Variants in RBPMS2 observed in about 807,000 individuals in gnomAD.
The protein encoded by RBPMS2 is RNA-binding protein with multiple splicing 2.
RBPMS2 carries 14 observed loss-of-function variants against 25.7 expected under a neutral mutation model. The ratio of observed to expected loss-of-function variants is 0.55; its 90% CI spans 0.36 to 0.85. RBPMS2 has a LOEUF of 0.85. Ranked by LOEUF, RBPMS2 falls within the 40% of genes least tolerant of loss-of-function variation. RBPMS2 has a pLI of 0.01. For missense variants in RBPMS2, 252 were observed against 283.4 expected (o/e 0.89, Z 0.80); for synonymous variants, 127 against 115.6 (o/e 1.10, Z -0.63).
At chr15:64,768,437 G>A (rs1005419064) in intron 1 of RBPMS2, among the ~76,000 whole-genome samples, 1 of 152,004 alleles carries the variant, frequency 6.6e-6, no homozygotes, top group Non-Finnish European at 1.5e-5. Context: ...TCAGGAGTTC[G>A]AGACCAGCCT....
intron 6 of RBPMS2, among the ~76,000 whole-genome samples, chr15:64,743,403 G>A (rs2141053420): frequency 6.6e-6 from 1 of 152,372 alleles, no homozygotes; most frequent in Non-Finnish European, 1.5e-5. Context: ...GTGGAGGAAA[G>A]CTCCCATATT....
chr15:64,749,182 T>C (rs1297260203), intron 4 of RBPMS2, 32 bp from the exon 5 acceptor site: 1 of 1,612,856 alleles, frequency 6.2e-7, no homozygotes, highest in Non-Finnish European at 8.5e-7. Flanking sequence ...GAGAAAGGCT[T>C]ACTCCGGGGG....
chr15:64,747,339 C>A (rs555838183), intron 6 of RBPMS2, among the ~76,000 whole-genome samples: 117 of 152,278 alleles, frequency 7.7e-4, no homozygotes, highest in Non-Finnish European at 1.3e-4. Flanking sequence ...GAGCACCCGA[C>A]TCCTCCCGCC....
intron 6 of RBPMS2, among the ~76,000 whole-genome samples, chr15:64,745,391 A>C (rs2083609211): frequency 6.6e-6 from 1 of 152,200 alleles, no homozygotes; most frequent in Non-Finnish European, 1.5e-5. Context: ...TACTAAGTTC[A>C]TTTAATCCTC....
chr15:64,763,045 G>A lies in RBPMS2; in HGVS notation c.88-11407C>T, dbSNP rs116888833. On this transcript the variant is annotated intron_variant, in intron 1 of 7. Coordinates refer to ENST00000300069, the MANE Select transcript of RBPMS2 (RefSeq NM_194272.3). ...TCATACCCTTGGTGTGGTCTTGGTC[G>A]CCGTAGTGGGTAGGGGGTGGGGGTG... 6.2e-3 allele frequency among the ~76,000 whole-genome samples: 933 copies of A among 149,508 alleles called. 3 individuals carry two copies. Among genetic ancestry groups the A allele is most frequent in the Non-Finnish European group, 0.011 (741 of 67,340 alleles).
intron 3 of RBPMS2, 118 bp downstream of exon 3, chr15:64,750,224 AG>A: frequency 1.1e-6 from 1 of 884,882 alleles, no homozygotes; most frequent in Non-Finnish European, 1.9e-6. Context: ...ACAGGACAAC[AG>A]GGAGCGCAAG....
chr15:64,764,508 C>T (rs1359916598), intron 1 of RBPMS2, among the ~76,000 whole-genome samples: 1 of 152,168 alleles, frequency 6.6e-6, no homozygotes, highest in Non-Finnish European at 1.5e-5. Context: ...GGTTTCTGTT[C>T]AGAGGTAGAA....
chr15:64,761,784 C>T (rs559376612), intron 1 of RBPMS2, among the ~76,000 whole-genome samples: 1 of 138,458 alleles, frequency 7.2e-6, no homozygotes, highest in South Asian at 2.3e-4. Flanking sequence ...CTCACTGCAA[C>T]CTCCACCTCC....
intron 1 of RBPMS2, among the ~76,000 whole-genome samples, chr15:64,772,050 T>C (rs1420380239): frequency 3.3e-5 from 5 of 152,244 alleles, no homozygotes; most frequent in Non-Finnish European, 7.3e-5. Flanking sequence ...GTGAATGCTA[T>C]GTAAATAGTT....
At chr15:64,744,793 GTTTTGTTTTTTTTTTTTTTT>G (rs1423225508) in intron 6 of RBPMS2, among the ~76,000 whole-genome samples, 1 of 57,796 alleles carries the variant, frequency 1.7e-5, no homozygotes, top group African/African-American at 8.7e-5. Context: ...TTTTTGGTTT[GTTTTGTTTTTTTTTTTTTTT>G]TTTTTTTTTT....
chr15:64,749,616 C>A, intron 3 of RBPMS2, 123 bp from the exon 4 acceptor site: 2 of 858,106 alleles, frequency 2.3e-6, no homozygotes, highest in South Asian at 1.8e-5. Flanking sequence ...GATGAGAATA[C>A]AAAAGGAAAA....
At chr15:64,756,970 AT>A (rs567804797) in intron 1 of RBPMS2, among the ~76,000 whole-genome samples, 10,297 of 98,932 alleles carry the variant, frequency 0.1, 388 homozygotes, top group African/African-American at 0.18. Flanking sequence ...GCCCGGCCTC[AT>A]TTTTTTTTTT....
At chr15:64,744,033 A>G (rs960321803) in intron 6 of RBPMS2, among the ~76,000 whole-genome samples, 1 of 151,916 alleles carries the variant, frequency 6.6e-6, no homozygotes, top group African/African-American at 2.4e-5. Flanking sequence ...GCTTGAGCCC[A>G]GGAGGCAGAG....
chr15:64,765,674 G>A (rs979016581), intron 1 of RBPMS2, among the ~76,000 whole-genome samples: 4 of 152,106 alleles, frequency 2.6e-5, no homozygotes, highest in Non-Finnish European at 4.4e-5. Context: ...GGCCAGGCAC[G>A]GTGGCTCACA....
chr15:64,772,487 T>G (rs1014961111), intron 1 of RBPMS2, among the ~76,000 whole-genome samples: 1 of 151,806 alleles, frequency 6.6e-6, no homozygotes, highest in African/African-American at 2.4e-5. Context: ...GGCAGAAAAA[T>G]GCCAATTTTC....
intron 4 of RBPMS2, 65 bp from the exon 5 acceptor site, chr15:64,749,215 A>G: frequency 6.3e-7 from 1 of 1,576,262 alleles, no homozygotes; most frequent in Non-Finnish European, 8.7e-7. Context: ...AATGGCAGAG[A>G]GTAGAGAAGG....
chr15:64,749,976 C>T (rs2083660060), intron 3 of RBPMS2, among the ~76,000 whole-genome samples: 1 of 152,054 alleles, frequency 6.6e-6, no homozygotes. Flanking sequence ...GCTAGCGGGC[C>T]CTGGCCTCCT....
intron 1 of RBPMS2, among the ~76,000 whole-genome samples, chr15:64,772,584 G>C (rs983305935): frequency 3.9e-5 from 6 of 152,084 alleles, no homozygotes; most frequent in African/African-American, 1.2e-4. Context: ...GCAAACTCCA[G>C]GTAGTTACCC....
At chr15:64,766,182 G>A (rs1173168835) in intron 1 of RBPMS2, among the ~76,000 whole-genome samples, 1 of 152,180 alleles carries the variant, frequency 6.6e-6, no homozygotes, top group East Asian at 1.9e-4. Context: ...AGGTGGCCTT[G>A]ATAGCTTGTG....
Sources: gnomAD v4.1 joint callset for allele counts (sites outside exome capture counted in the v4.1 genomes callset) on GRCh38, gnomAD v4.1.1 for gene constraint, MANE v1.5 for transcripts, NCBI Gene and HGNC (gene_info 2026-07-23, HGNC 2026-07-21) for gene names.